CERS6: variants seen among roughly 807,000 people sequenced by gnomAD.
The protein encoded by CERS6 is LAG1 homolog, ceramide synthase 6.
A neutral mutation model predicts 56.8 loss-of-function variants in CERS6; 26 were observed. The ratio of observed to expected loss-of-function variants is 0.46; its 90% CI spans 0.34 to 0.63. The LOEUF is 0.63. Among genes scored for constraint, CERS6 ranks in the 30% least tolerant of loss-of-function variants. The pLI is 0.01. For synonymous variants in CERS6, 164 were observed against 173.3 expected (o/e 0.95, Z 0.42); for missense variants, 415 against 467.5 (o/e 0.89, Z 1.04).
intron 1 of CERS6, among the ~76,000 whole-genome samples, chr2:168,545,499 A>T (rs969302464): frequency 4.0e-5 from 6 of 150,468 alleles, no homozygotes; most frequent in African/African-American, 1.0e-4. Flanking sequence ...AATACTAAAA[A>T]TTTTTTTTGA....
In CERS6 at chr2:168,561,326, A is replaced by G. The variant is rs750759964; in HGVS notation, c.407+4A>G. The G allele has an allele frequency of 2.5e-6, 4 of 1,613,908 alleles. No homozygotes were observed. The African/African-American group carries it at 4.0e-5, about 16-fold the overall frequency. Reference sequence around the variant, plus strand: ...TGACGAGGTTCTGTGAGAGCATGTAAGTTGCTGTTTTTCTTTTTGAAAGAA... The same window carrying G: ...TGACGAGGTTCTGTGAGAGCATGTAGGTTGCTGTTTTTCTTTTTGAAAGAA... On this transcript the variant is annotated splice_donor_region_variant and intron_variant, in intron 3 of 9. Transcript: ENST00000305747.
At chr2:168,516,206 T>C (rs1694881405) in intron 1 of CERS6, among the ~76,000 whole-genome samples, 1 of 152,114 alleles carries the variant, frequency 6.6e-6, no homozygotes, top group Non-Finnish European at 1.5e-5. Flanking sequence ...CATAACATCT[T>C]CCTCTGCAGT....
At chr2:168,719,338 G>C (rs1687303853) in intron 8 of CERS6, among the ~76,000 whole-genome samples, 1 of 152,130 alleles carries the variant, frequency 6.6e-6, no homozygotes, top group Non-Finnish European at 1.5e-5. Flanking sequence ...TATTTAAATA[G>C]TTTTGTTGCA....
intron 3 of CERS6, among the ~76,000 whole-genome samples, chr2:168,629,392 G>C (rs1420833619): frequency 6.6e-6 from 1 of 151,400 alleles, no homozygotes; most frequent in East Asian, 2.0e-4. Context: ...CATACTGGAA[G>C]GATTGGGAGG....
intron 3 of CERS6, among the ~76,000 whole-genome samples, chr2:168,599,675 G>T (rs1683886029): frequency 6.6e-6 from 1 of 152,164 alleles, no homozygotes; most frequent in Non-Finnish European, 1.5e-5. Context: ...AGAGCTTTAT[G>T]TTGGTTTTAT....
chr2:168,533,394 G>A (rs1352135659), intron 1 of CERS6, among the ~76,000 whole-genome samples: 1 of 152,162 alleles, frequency 6.6e-6, no homozygotes, highest in Non-Finnish European at 1.5e-5. Context: ...GAATAGATTG[G>A]AATTGTTTGA....
intron 6 of CERS6, among the ~76,000 whole-genome samples, chr2:168,699,294 A>G (rs62174426): frequency 0.033 from 5,042 of 152,296 alleles, 121 homozygotes; most frequent in East Asian, 0.14. Context: ...TTATGATGGG[A>G]TAGGGATGTT....
At chr2:168,483,303 C>T (rs1013329199) in intron 1 of CERS6, among the ~76,000 whole-genome samples, 5 of 149,832 alleles carry the variant, frequency 3.3e-5, no homozygotes, top group South Asian at 2.1e-4. Flanking sequence ...TTTCTGAAGA[C>T]GCTTATAGCA....
intron 2 of CERS6, among the ~76,000 whole-genome samples, chr2:168,555,949 A>C (rs998156009): frequency 1.3e-5 from 2 of 152,122 alleles, no homozygotes; most frequent in African/African-American, 4.8e-5. Flanking sequence ...TATAATATCA[A>C]AAATTATATG....
At chr2:168,521,610 C>G (rs1223836374) in intron 1 of CERS6, among the ~76,000 whole-genome samples, 2 of 152,192 alleles carry the variant, frequency 1.3e-5, no homozygotes, top group African/African-American at 4.8e-5. Context: ...AAATGAGGCA[C>G]TTCCAGACAG....
chr2:168,657,789 G>A (rs1309173445), intron 4 of CERS6, among the ~76,000 whole-genome samples: 3 of 152,218 alleles, frequency 2.0e-5, no homozygotes, highest in South Asian at 2.1e-4. Flanking sequence ...CGCAAGCGCC[G>A]CACGCAGCCC....
At chr2:168,686,702 G>A (rs767523988) in intron 4 of CERS6, among the ~76,000 whole-genome samples, 6 of 152,062 alleles carry the variant, frequency 3.9e-5, no homozygotes, top group Admixed American at 6.6e-5. Context: ...AGTACCCAGC[G>A]GAAGGCACAG....
intron 3 of CERS6, among the ~76,000 whole-genome samples, chr2:168,621,077 A>G (rs1352177399): frequency 6.6e-6 from 1 of 152,186 alleles, no homozygotes; most frequent in Non-Finnish European, 1.5e-5. Context: ...CTTTGGCTTT[A>G]GTTTTCTCTT....
intron 6 of CERS6, among the ~76,000 whole-genome samples, chr2:168,706,632 A>G (rs2105378590): frequency 6.6e-6 from 1 of 152,284 alleles, no homozygotes; most frequent in East Asian, 1.9e-4. Flanking sequence ...CTCTTTCTTT[A>G]TAGTTTATCT....
intron 4 of CERS6, among the ~76,000 whole-genome samples, chr2:168,639,664 G>A (rs1684941448): frequency 6.6e-6 from 1 of 152,080 alleles, no homozygotes; most frequent in African/African-American, 2.4e-5. Flanking sequence ...CATCTTGTCT[G>A]GGTGTGTTTG....
chr2:168,477,892 A>G (rs1694108600), intron 1 of CERS6, among the ~76,000 whole-genome samples: 1 of 152,182 alleles, frequency 6.6e-6, no homozygotes, highest in Admixed American at 6.5e-5. Context: ...AGCCACTTGT[A>G]TTTAGTTTTC....
chr2:168,463,423 G>C (rs1212618312), intron 1 of CERS6, among the ~76,000 whole-genome samples: 1 of 152,062 alleles, frequency 6.6e-6, no homozygotes, highest in Non-Finnish European at 1.5e-5. Context: ...TCGATATTTA[G>C]GCCATTTCCA....
chr2:168,694,171 A>G (rs1686577853), intron 5 of CERS6, among the ~76,000 whole-genome samples: 1 of 152,176 alleles, frequency 6.6e-6, no homozygotes. Flanking sequence ...CTCATCACAA[A>G]TGTTTTTTGA....
At chr2:168,728,362 AG>A (rs917795128) in intron 8 of CERS6, among the ~76,000 whole-genome samples, 1 of 143,444 alleles carries the variant, frequency 7.0e-6, no homozygotes, top group Non-Finnish European at 1.5e-5. Flanking sequence ...TGTCCACGTT[AG>A]GGGAAAAAAA....
Sources: gnomAD v4.1 joint callset for allele counts (sites outside exome capture counted in the v4.1 genomes callset) on GRCh38, gnomAD v4.1.1 for gene constraint, MANE v1.5 for transcripts, NCBI Gene and HGNC (gene_info 2026-07-23, HGNC 2026-07-21) for gene names.